ANOS1: variants seen among roughly 807,000 people sequenced by gnomAD.
ANOS1 encodes anosmin-1.
Under a neutral mutation model 59.0 loss-of-function variants are expected in ANOS1, and 6 were observed. The ratio of observed to expected loss-of-function variants is 0.10; its 90% confidence interval spans 0.06 to 0.20. The LOEUF is 0.20. ANOS1 is among the 10% of genes least tolerant of loss of function. The pLI, the probability that ANOS1 is intolerant of heterozygous loss-of-function variation, is 1.00. For synonymous variants in ANOS1, 217 were observed against 223.4 expected, an observed-to-expected ratio of 0.97 and a Z score of 0.25; for missense variants, 433 against 542.3, an observed-to-expected ratio of 0.80 and a Z score of 2.00.
chrX:8,604,639 C>T (rs1297512775), intron 3 of ANOS1, among the ~76,000 whole-genome samples: 1 of 111,939 alleles, frequency 8.9e-6, no homozygotes, highest in Non-Finnish European at 1.9e-5. Context: ...AACAGAAAAT[C>T]TAAGTGTACA....
chrX:8,708,614 T>C (rs1241810891), intron 1 of ANOS1, among the ~76,000 whole-genome samples: 2 of 111,442 alleles, frequency 1.8e-5, no homozygotes, highest in African/African-American at 6.5e-5. Flanking sequence ...CAGGAAACAA[T>C]AGATGCTGGA....
chrX:8,554,466 C>T (rs1189740700), intron 8 of ANOS1, among the ~76,000 whole-genome samples: 1 of 109,703 alleles, frequency 9.1e-6, no homozygotes, highest in Non-Finnish European at 1.9e-5. Context: ...CCCTCGGGTG[C>T]CTACACCGCC....
chrX:8,592,052 A>T (rs755023934), intron 4 of ANOS1, among the ~76,000 whole-genome samples: 46 of 112,294 alleles, frequency 4.1e-4, no homozygotes, highest in Admixed American at 1.9e-4. Flanking sequence ...AATGCTTTTT[A>T]AAAATGTTGA....
intron 2 of ANOS1, among the ~76,000 whole-genome samples, chrX:8,625,201 T>C (rs1020618795): frequency 9.0e-6 from 1 of 111,522 alleles, no homozygotes; most frequent in African/African-American, 3.3e-5. Flanking sequence ...GGCCTCATGG[T>C]TGAAAAAAAA....
At chrX:8,650,937 A>G (rs1334451127) in intron 2 of ANOS1, among the ~76,000 whole-genome samples, 1 of 112,979 alleles carries the variant, frequency 8.9e-6, no homozygotes, top group East Asian at 2.8e-4. Flanking sequence ...CAAAGCCTTG[A>G]AAGAAAAATT....
intron 2 of ANOS1, among the ~76,000 whole-genome samples, chrX:8,641,485 G>T (rs2146857727): frequency 8.9e-6 from 1 of 111,932 alleles, no homozygotes; most frequent in South Asian, 3.7e-4. Context: ...AGTATCCACT[G>T]GAGAATCAGC....
chrX:8,644,618 T>C (rs1931722327), intron 2 of ANOS1, among the ~76,000 whole-genome samples: 1 of 112,369 alleles, frequency 8.9e-6, no homozygotes, highest in Non-Finnish European at 1.9e-5. Flanking sequence ...CCAGAGAATC[T>C]GACACCTTTT....
intron 7 of ANOS1, among the ~76,000 whole-genome samples, chrX:8,569,133 T>G (rs1930173261): frequency 8.9e-6 from 1 of 111,856 alleles, no homozygotes; most frequent in Admixed American, 9.5e-5. Flanking sequence ...CTTGACAAAA[T>G]GCTTCAAGGT....
chrX:8,675,482 G>A (rs1932321556), intron 2 of ANOS1, among the ~76,000 whole-genome samples: 1 of 110,835 alleles, frequency 9.0e-6, no homozygotes, highest in Admixed American at 9.6e-5. Flanking sequence ...TAAAGCCTCA[G>A]GAAATAATGA....
intron 3 of ANOS1, among the ~76,000 whole-genome samples, chrX:8,603,364 T>A (rs977379986): frequency 1.8e-5 from 2 of 111,971 alleles, no homozygotes; most frequent in Non-Finnish European, 3.8e-5. Flanking sequence ...TTCTCATATA[T>A]CCCTTCTACA....
intron 4 of ANOS1, 104 bp from the exon 5 acceptor site, chrX:8,588,082 A>G (rs1930552521): frequency 1.3e-6 from 1 of 768,343 alleles, no homozygotes; most frequent in African/African-American, 2.1e-5. Flanking sequence ...TCTGATGACA[A>G]CTGAGATTTC....
At chrX:8,690,332 A>G (rs1002813661) in intron 2 of ANOS1, among the ~76,000 whole-genome samples, 1 of 112,467 alleles carries the variant, frequency 8.9e-6, no homozygotes, top group Non-Finnish European at 1.9e-5. Flanking sequence ...AATAAGTTGG[A>G]CAACAGATGC....
intron 8 of ANOS1, 110 bp downstream of exon 8, chrX:8,568,122 G>A: frequency 2.6e-6 from 2 of 770,723 alleles, no homozygotes; most frequent in Non-Finnish European, 3.9e-6. Flanking sequence ...AAGAAGATTT[G>A]CCATATAATT....
At chrX:8,634,230 T>C (rs1478663766) in intron 2 of ANOS1, among the ~76,000 whole-genome samples, 1 of 110,658 alleles carries the variant, frequency 9.0e-6, no homozygotes, top group Non-Finnish European at 1.9e-5. Flanking sequence ...TTTCAAATGA[T>C]TGGAAAAAAA....
At chrX:8,600,821 T>G (rs1410379807) in intron 3 of ANOS1, among the ~76,000 whole-genome samples, 1 of 112,301 alleles carries the variant, frequency 8.9e-6, no homozygotes, top group African/African-American at 3.2e-5. Flanking sequence ...TCATATACAT[T>G]ACACACACTG....
At chrX:8,582,435 T>C (rs1930441992) in intron 6 of ANOS1, among the ~76,000 whole-genome samples, 1 of 111,144 alleles carries the variant, frequency 9.0e-6, no homozygotes, top group Admixed American at 9.6e-5. Flanking sequence ...CAGAGGAGCC[T>C]AGCATGTTGA....
Position 8,536,841 on chromosome X carries a change from G to A in ANOS1, c.1551C>T (p.Phe517=). The A allele has an allele frequency of 8.3e-7, 1 of 1,209,396 alleles. No individual in the cohort carries two copies. The highest frequency in any genetic ancestry group is 1.1e-6 in the Non-Finnish European group (1 of 893,648). Residue 517 remains phenylalanine (F), a synonymous_variant, in exon 11 of 14, where the codon TTC becomes TTT. Coordinates refer to ENST00000262648, the MANE Select transcript of ANOS1 (RefSeq NM_000216.4). ...GAGCAGAGCATGGTGGAGTAGTGAA[G>A]AAAACAGCTTCTGCCTTGGAGTGAC... ...PKSHSKAEAV[F]FTTPPCSALK... is the part of the protein sequence containing the mutation.
chrX:8,551,367 G>T (rs1055205000), intron 9 of ANOS1, among the ~76,000 whole-genome samples: 2 of 112,270 alleles, frequency 1.8e-5, no homozygotes, highest in South Asian at 7.3e-4. Context: ...TAAGGGCTGG[G>T]AGCAGTGCGC....
chrX:8,630,548 A>G (rs981287953), intron 2 of ANOS1, among the ~76,000 whole-genome samples: 3 of 112,496 alleles, frequency 2.7e-5, no homozygotes, highest in Middle Eastern at 4.2e-3. Flanking sequence ...CCCATAAATC[A>G]GCTTAGAAGG....
Sources: gnomAD v4.1 joint callset for allele counts (sites outside exome capture counted in the v4.1 genomes callset) on GRCh38, gnomAD v4.1.1 for gene constraint, MANE v1.5 for transcripts, NCBI Gene and HGNC (gene_info 2026-07-23, HGNC 2026-07-21) for gene names.